Variants in FKBP5 observed in about 807,000 individuals in gnomAD.
FKBP5 encodes the protein FKBP prolyl isomerase 5.
In FKBP5, 23 loss-of-function variants were observed where a neutral mutation model predicts 50.5. That is an observed-to-expected ratio of 0.46 (90% CI 0.33 to 0.65). FKBP5 has a LOEUF of 0.65. FKBP5 is among the 30% of genes least tolerant of loss of function. The pLI, the probability that FKBP5 is intolerant of heterozygous loss-of-function variation, is 0.02. For missense variants in FKBP5, 411 were observed against 553.1 expected (o/e 0.74, Z 2.58); for synonymous variants, 176 against 190.6 (o/e 0.92, Z 0.63).
At chr6:35,643,672 C>G (rs763158167) in intron 1 of FKBP5, among the ~76,000 whole-genome samples, 1 of 152,186 alleles carries the variant, frequency 6.6e-6, no homozygotes, top group African/African-American at 2.4e-5. Context: ...CATAGTCATT[C>G]TTCTGGTCAC....
At chr6:35,722,782 A>G (rs1200114894) in intron 1 of FKBP5, among the ~76,000 whole-genome samples, 3 of 152,072 alleles carry the variant, frequency 2.0e-5, no homozygotes, top group Non-Finnish European at 4.4e-5. Flanking sequence ...CCAGTCCCCA[A>G]CTTCCCAAGA....
At chr6:35,616,186 G>A (rs535456461) in intron 5 of FKBP5, among the ~76,000 whole-genome samples, 4 of 151,762 alleles carry the variant, frequency 2.6e-5, no homozygotes, top group Non-Finnish European at 4.4e-5. Context: ...ATGGTGGCGT[G>A]CGCCTATAGT....
At chr6:35,690,263 G>A (rs1434386962), upstream of FKBP5, among the ~76,000 whole-genome samples, 1 of 152,144 alleles carries the variant, frequency 6.6e-6, no homozygotes, top group Non-Finnish European at 1.5e-5. Flanking sequence ...GAGGTCGGGA[G>A]TTCGAGACGA....
rs76193778 is a variant in FKBP5 at position 35,687,095 on chromosome 6, T to C, written c.-20+1709A>G. On this transcript the variant is annotated intron_variant, in intron 1 of 10. Coordinates refer to ENST00000357266, the MANE Select transcript of FKBP5 (RefSeq NM_004117.4). ...AGTAAAATGACCATTCAATGAATAA[T>C]AAACTAGCATAATTAAATCAAGATT... 1.9e-3 allele frequency among the ~76,000 whole-genome samples: 291 copies of C among 152,282 alleles called. 3 individuals carry two copies. The East Asian group carries it at 0.041, about 21-fold the overall frequency.
chr6:35,701,255 T>G (rs1445282054), intron 2 of FKBP5, among the ~76,000 whole-genome samples: 66 of 150,006 alleles, frequency 4.4e-4, no homozygotes, highest in African/African-American at 1.4e-3. Context: ...TTTGTTTTTT[T>G]TTTTTTGAGA....
chr6:35,644,991 T>G (rs1156691199), intron 1 of FKBP5, among the ~76,000 whole-genome samples: 1 of 152,120 alleles, frequency 6.6e-6, no homozygotes, highest in African/African-American at 2.4e-5. Flanking sequence ...ACAGATTACT[T>G]ATTATTAAAA....
At chr6:35,576,849 G>T in intron 10 of FKBP5, 145 bp downstream of exon 10, 4 of 1,001,034 alleles carry the variant, frequency 4.0e-6, no homozygotes, top group Non-Finnish European at 4.4e-6. Context: ...CTCGACCTTT[G>T]GATCCAAAGC....
Position 35,595,907 on chromosome 6 carries a change from T to C in FKBP5, c.665+1341A>G, listed in dbSNP as rs879757080. Among the ~76,000 whole-genome samples, 24 of 152,044 alleles carry C rather than the reference T, an allele frequency of 1.6e-4. No homozygotes were observed. The East Asian group carries it at 3.9e-3, about 24-fold the overall frequency. On this transcript the variant is annotated intron_variant, in intron 6 of 10. Coordinates refer to ENST00000357266, the MANE Select transcript of FKBP5 (RefSeq NM_004117.4). ...TAAATATTAATATAAATAAGACACA[T>C]TGAAGTGGGGGCTATAGTTAGTGGA...
intron 2 of FKBP5, among the ~76,000 whole-genome samples, chr6:35,705,763 T>C (rs1001145694): frequency 2.0e-5 from 3 of 152,024 alleles, no homozygotes; most frequent in Admixed American, 1.3e-4. Flanking sequence ...ACAAAAATAC[T>C]CCAGATGAAT....
chr6:35,653,178 C>T (rs1472929694), intron 1 of FKBP5, among the ~76,000 whole-genome samples: 2 of 152,112 alleles, frequency 1.3e-5, no homozygotes, highest in African/African-American at 4.8e-5. Context: ...AAGTAACAAA[C>T]ACCTCATCTT....
rs1763011071 is a variant in FKBP5, at chr6:35,597,420, C to T, written c.509-16G>A. 1.9e-6 allele frequency: 3 copies of T among 1,609,304 alleles called. No individual in the cohort carries two copies. Among genetic ancestry groups the T allele is most frequent in the Admixed American group, 1.7e-5 (1 of 58,384 alleles). ...TCCAGGTGGACTGAGGGCAAGGAGA[C>T]AGGAGAGTCAACAGAGCTGCTTCTT... On this transcript the variant is annotated splice_polypyrimidine_tract_variant and intron_variant, in intron 5 of 10. Coordinates refer to ENST00000357266, the MANE Select transcript of FKBP5 (RefSeq NM_004117.4).
chr6:35,711,592 TG>T (rs1766414456), intron 2 of FKBP5, among the ~76,000 whole-genome samples: 2 of 151,040 alleles, frequency 1.3e-5, no homozygotes, highest in African/African-American at 4.9e-5. Flanking sequence ...TGCTCCAGCC[TG>T]GGCAACAGAG....
At chr6:35,681,151 C>CT (rs1294521714) in intron 1 of FKBP5, among the ~76,000 whole-genome samples, 7 of 152,236 alleles carry the variant, frequency 4.6e-5, no homozygotes, top group South Asian at 2.1e-4. Context: ...ATTTTCAACA[C>CT]TTTTTTTAGC....
chr6:35,647,058 C>T (rs895871645), intron 1 of FKBP5, among the ~76,000 whole-genome samples: 6 of 152,138 alleles, frequency 3.9e-5, no homozygotes, highest in African/African-American at 1.4e-4. Flanking sequence ...ATGCTACTAA[C>T]AGGAGAGTTT....
rs182556778 is a variant in FKBP5 at position 35,598,443 on chromosome 6, G to A, written c.509-1039C>T. ...TCACCATGTTGCCCAGGCTGGTCTC[G>A]AACTCCTGACCTCAGGTGATCCACC... On this transcript the variant is annotated intron_variant, in intron 5 of 10. Coordinates refer to ENST00000357266, the MANE Select transcript of FKBP5 (RefSeq NM_004117.4). 4.2e-3 allele frequency among the ~76,000 whole-genome samples: 636 copies of A among 151,272 alleles called. 4 individuals carry two copies. The highest frequency in any genetic ancestry group is 0.014 in the African/African-American group (585 of 40,924).
At chr6:35,614,348 G>A (rs965632807) in intron 5 of FKBP5, among the ~76,000 whole-genome samples, 2 of 152,172 alleles carry the variant, frequency 1.3e-5, no homozygotes, top group African/African-American at 2.4e-5. Context: ...AGGGGGAAAT[G>A]ACACTTTTGA....
chr6:35,593,353 T>G (rs1762878915), intron 6 of FKBP5, among the ~76,000 whole-genome samples: 1 of 152,180 alleles, frequency 6.6e-6, no homozygotes, highest in South Asian at 2.1e-4. Context: ...AGCCTTAATG[T>G]GCATATAAGA....
chr6:35,693,667 C>T (rs148546493), upstream of FKBP5, among the ~76,000 whole-genome samples: 3 of 152,116 alleles, frequency 2.0e-5, no homozygotes, highest in African/African-American at 4.8e-5. Flanking sequence ...TTACAAGGCA[C>T]ATGCCACCAC....
intron 5 of FKBP5, among the ~76,000 whole-genome samples, chr6:35,604,638 T>C: frequency 6.6e-6 from 1 of 152,236 alleles, no homozygotes; most frequent in East Asian, 1.9e-4. Context: ...TTTTTGATTT[T>C]AGTGTTTCAT....
Sources: gnomAD v4.1 joint callset for allele counts (sites outside exome capture counted in the v4.1 genomes callset) on GRCh38, gnomAD v4.1.1 for gene constraint, MANE v1.5 for transcripts, NCBI Gene and HGNC (gene_info 2026-07-23, HGNC 2026-07-21) for gene names.